Variants in SYT16 observed in about 807,000 individuals in gnomAD.
The protein encoded by SYT16 is synaptotagmin-16.
SYT16 carries 42 observed loss-of-function variants against 61.4 expected under a neutral mutation model. That is an observed-to-expected ratio of 0.68 (90% CI 0.53 to 0.89). The LOEUF (loss-of-function observed/expected upper bound fraction) is 0.89, where lower values mean the gene tolerates loss of function less well. Ranked by LOEUF, SYT16 falls within the 40% of genes least tolerant of loss-of-function variation. SYT16 has a pLI of 0.00. For synonymous variants in SYT16, 314 were observed against 302.3 expected, an observed-to-expected ratio of 1.04 and a Z score of -0.40; for missense variants, 804 against 807.3, an observed-to-expected ratio of 1.00 and a Z score of 0.05.
At chr14:61,945,054 C>A (rs1032633351) in intron 1 of SYT16, among the ~76,000 whole-genome samples, 7 of 151,958 alleles carry the variant, frequency 4.6e-5, no homozygotes, top group East Asian at 1.9e-4. Flanking sequence ...AAAAAACAAC[C>A]CCATCAAAAA....
chr14:61,973,885 G>T (rs2051669470), intron 2 of SYT16, among the ~76,000 whole-genome samples: 1 of 152,134 alleles, frequency 6.6e-6, no homozygotes, highest in Admixed American at 6.5e-5. Flanking sequence ...ACCATGAAGT[G>T]TTTCCTGGAC....
chr14:62,106,548 T>C lies in SYT16; in HGVS notation c.*5841T>C, dbSNP rs1273077824. ...ATACCCTTTATAAAGTTCCTTCTAA[T>C]ATTTAGGTGTAACGTTAAAAAAGAA... On this transcript the variant is annotated 3_prime_UTR_variant, in exon 8 of 8. Coordinates refer to ENST00000683842, the MANE Select transcript of SYT16 (RefSeq NM_001367656.1). 1 of 152,182 alleles carries C rather than the reference T, an allele frequency of 6.6e-6. No individual in the cohort carries two copies. Among genetic ancestry groups the C allele is most frequent in the Non-Finnish European group, 1.5e-5 (1 of 68,014 alleles). The allele number at this position is 152,182 out of a possible 1,614,324, so 9.4% of individuals were successfully genotyped here. A position where few individuals can be genotyped will look rare whatever the true frequency, so the allele number is the denominator to read the frequency against.
At chr14:62,004,794 C>G (rs1196922135) in intron 3 of SYT16, among the ~76,000 whole-genome samples, 1 of 152,150 alleles carries the variant, frequency 6.6e-6, no homozygotes, top group Non-Finnish European at 1.5e-5. Context: ...AAGAGGTGCT[C>G]TTCATTAATG....
At chr14:62,052,366 A>C (rs986409948) in intron 3 of SYT16, among the ~76,000 whole-genome samples, 2 of 152,204 alleles carry the variant, frequency 1.3e-5, no homozygotes, top group African/African-American at 2.4e-5. Context: ...GGTTTCCAAA[A>C]GCATTTTTAT....
chr14:62,041,770 T>C (rs1043886793), intron 3 of SYT16, among the ~76,000 whole-genome samples: 1 of 152,164 alleles, frequency 6.6e-6, no homozygotes, highest in Non-Finnish European at 1.5e-5. Flanking sequence ...TCCCATTACA[T>C]ATGTATTGTG....
Position 61,901,762 on chromosome 14 carries a change from A to AATAATT in SYT16, c.-324-68368_-324-68367insAATTAT, listed in dbSNP as rs1010775490. Among the ~76,000 whole-genome samples the AATAATT allele has an allele frequency of 2.4e-3, 331 of 138,818 alleles. 1 individual carries two copies. The highest frequency in any genetic ancestry group is 7.9e-3 in the African/African-American group (269 of 34,088). The allele number at this position is 138,818 out of a possible 152,430, so 91.1% of individuals were successfully genotyped here. A position where few individuals can be genotyped will look rare whatever the true frequency, so the allele number is the denominator to read the frequency against. On this transcript the variant is annotated intron_variant, in intron 1 of 7. Transcript: ENST00000683842. The stretch of plus-strand genomic sequence containing the variant: ...TGCTTATAATAATAATAATAATAAT[A>AATAATT]ATTATTATTATTATTATTTTTTGGA...
chr14:62,081,005 C>A lies in SYT16; in HGVS notation c.1165C>A (p.Gln389Lys). 5 of 1,613,254 alleles carry A rather than the reference C, an allele frequency of 3.1e-6. No individual in the cohort carries two copies. Among genetic ancestry groups the A allele is most frequent in the Non-Finnish European group, 4.2e-6 (5 of 1,179,588 alleles). The change falls in exon 6 of 8, where the codon CAA becomes AAA. Residue 389 changes from glutamine (Q) to lysine (K), a missense_variant. Coordinates refer to ENST00000683842, the MANE Select transcript of SYT16 (RefSeq NM_001367656.1). ...DKDRSGVNSW[Q>K]VHVVLLPGKK... ...GGACCGAAGTGGTGTCAACTCCTGGCAAGTTCATGTAGTGCTGCTGCCTGG... is the reference window on the plus strand; with the variant it reads ...GGACCGAAGTGGTGTCAACTCCTGGAAAGTTCATGTAGTGCTGCTGCCTGG...
At position 62,084,279 on chromosome 14, in the gene SYT16, G is replaced by A. The variant is rs200581957; in HGVS notation, c.1518G>A (p.Ala506=). The change falls in exon 7 of 8, where the codon GCG becomes GCA. Residue 506 remains alanine, a synonymous_variant. Coordinates refer to ENST00000683842, the MANE Select transcript of SYT16 (RefSeq NM_001367656.1). ...CGCAGTCGCTGTCTCATGGAGGGGC[G>A]CCAGAGCTGTTGGTGGGGCTCTCGT... ...SSTQSLSHGG[A]PELLVGLSYN... 5.7e-5 allele frequency: 92 copies of A among 1,613,820 alleles called. No homozygotes were observed. The highest frequency in any genetic ancestry group is 4.2e-4 in the East Asian group (19 of 44,872).
chr14:61,832,761 G>A (rs1013374123), intron 1 of SYT16, among the ~76,000 whole-genome samples: 5 of 152,008 alleles, frequency 3.3e-5, no homozygotes, highest in Admixed American at 2.6e-4. Context: ...CTTTTTAAAG[G>A]TGGCTCTGTT....
At chr14:61,894,276 ACT>A (rs567217357) in intron 1 of SYT16, among the ~76,000 whole-genome samples, 41 of 149,998 alleles carry the variant, frequency 2.7e-4, no homozygotes, top group African/African-American at 9.3e-4. Context: ...CAAGAACGAA[ACT>A]CTGTCTCGAA....
chr14:62,029,731 T>C (rs2054240205), intron 3 of SYT16, among the ~76,000 whole-genome samples: 1 of 151,878 alleles, frequency 6.6e-6, no homozygotes, highest in Non-Finnish European at 1.5e-5. Context: ...ATCCAGTCAA[T>C]AGTTCTGTCG....
At chr14:61,982,652 A>G (rs1237928356) in intron 2 of SYT16, among the ~76,000 whole-genome samples, 2 of 152,122 alleles carry the variant, frequency 1.3e-5, no homozygotes, top group Admixed American at 6.5e-5. Flanking sequence ...CTCCAGGATG[A>G]TCTCAGGCAG....
chr14:62,042,301 C>T (rs1016591563), intron 3 of SYT16, among the ~76,000 whole-genome samples: 1 of 152,080 alleles, frequency 6.6e-6, no homozygotes, highest in Non-Finnish European at 1.5e-5. Context: ...CCACGCCCAG[C>T]CCAAACATTT....
chr14:61,877,501 C>T (rs764587102), intron 1 of SYT16, among the ~76,000 whole-genome samples: 11 of 152,208 alleles, frequency 7.2e-5, no homozygotes, highest in African/African-American at 2.2e-4. Flanking sequence ...AATTCTGCTT[C>T]GTTAGATCTG....
intron 1 of SYT16, among the ~76,000 whole-genome samples, chr14:61,897,975 A>G (rs2048381964): frequency 1.3e-5 from 2 of 152,226 alleles, no homozygotes; most frequent in Non-Finnish European, 2.9e-5. Context: ...CTCAAATCAA[A>G]TGATTTCTAC....
intron 1 of SYT16, among the ~76,000 whole-genome samples, chr14:61,918,413 AC>A (rs2049201357): frequency 6.6e-6 from 1 of 152,130 alleles, no homozygotes; most frequent in South Asian, 2.1e-4. Flanking sequence ...GGCTGCAAAC[AC>A]CTGGAAGAAA....
At chr14:62,046,452 G>C (rs939488862) in intron 3 of SYT16, among the ~76,000 whole-genome samples, 3 of 152,146 alleles carry the variant, frequency 2.0e-5, no homozygotes, top group Non-Finnish European at 4.4e-5. Flanking sequence ...AAGCTCTTTA[G>C]TTTAATTAGA....
chr14:62,027,592 T>G (rs951677567), intron 3 of SYT16, among the ~76,000 whole-genome samples: 1 of 152,240 alleles, frequency 6.6e-6, no homozygotes, highest in East Asian at 1.9e-4. Flanking sequence ...TTGTTCATTG[T>G]ATTTCAGTCC....
intron 1 of SYT16, 26 bp downstream of exon 1, chr14:61,812,836 C>G (rs2045309072): frequency 1.3e-5 from 2 of 151,968 alleles, no homozygotes; most frequent in Admixed American, 1.3e-4. Context: ...CCGCGGAGGC[C>G]AGGGGTGGGG....
Sources: gnomAD v4.1 joint callset for allele counts (sites outside exome capture counted in the v4.1 genomes callset) on GRCh38, gnomAD v4.1.1 for gene constraint, MANE v1.5 for transcripts, NCBI Gene and HGNC (gene_info 2026-07-23, HGNC 2026-07-21) for gene names.